EEA1: variants seen among roughly 807,000 people sequenced by gnomAD.
The protein encoded by EEA1 is early endosome antigen 1, 162kD.
In EEA1, 111 loss-of-function variants were observed where a neutral mutation model predicts 209.2. That is an observed-to-expected ratio of 0.53 (90% confidence interval 0.45 to 0.62). The LOEUF is 0.62. EEA1 is among the 20% of genes least tolerant of loss of function. The pLI, the probability that EEA1 is intolerant of heterozygous loss-of-function variation, is 0.00. For missense variants in EEA1, 1,343 were observed against 1,530.8 expected, an observed-to-expected ratio of 0.88 and a Z score of 2.05; for synonymous variants, 536 against 540.6, an observed-to-expected ratio of 0.99 and a Z score of 0.12.
At chr12:92,874,844 G>GC in intron 2 of EEA1, among the ~76,000 whole-genome samples, 1 of 152,170 alleles carries the variant, frequency 6.6e-6, no homozygotes. Flanking sequence ...CTAAAAGACA[G>GC]CCTTTTGAAT....
At chr12:92,915,373 CAGG>C in intron 1 of EEA1, among the ~76,000 whole-genome samples, 1 of 152,242 alleles carries the variant, frequency 6.6e-6, no homozygotes, top group African/African-American at 2.4e-5. Context: ...GAGGCTAAGC[CAGG>C]AGGACTGCTT....
At chr12:92,887,060 T>G (rs1009118187) in intron 2 of EEA1, among the ~76,000 whole-genome samples, 21 of 150,968 alleles carry the variant, frequency 1.4e-4, no homozygotes, top group African/African-American at 5.1e-4. Context: ...CTTCTAGGAA[T>G]GAAAAAAAGA....
At chr12:92,791,561 C>T (rs1405056811) in intron 21 of EEA1, among the ~76,000 whole-genome samples, 2 of 152,182 alleles carry the variant, frequency 1.3e-5, no homozygotes, top group African/African-American at 4.8e-5. Context: ...ATCAGTTCAA[C>T]AAGAAGAGCT....
intron 9 of EEA1, among the ~76,000 whole-genome samples, chr12:92,847,520 T>C (rs1221184097): frequency 1.3e-5 from 2 of 152,154 alleles, no homozygotes. Context: ...ATTTTTTTCA[T>C]ATGGAAATGG....
At chr12:92,789,144 G>A (rs1874271636) in intron 21 of EEA1, among the ~76,000 whole-genome samples, 1 of 151,882 alleles carries the variant, frequency 6.6e-6, no homozygotes, top group Non-Finnish European at 1.5e-5. Context: ...ACAAAAATTA[G>A]CTGGGCATGG....
In EEA1 at chr12:92,778,022, G is replaced by A. The variant is rs187203462; in HGVS notation, c.3812C>T (p.Thr1271Met). 1.3e-5 allele frequency: 21 copies of A among 1,613,324 alleles called. No individual in the cohort carries two copies. The highest frequency in any genetic ancestry group is 1.1e-4 in the East Asian group (5 of 44,850). ...QRRVSELEKQ[T>M]DDLRGEIAVL... The stretch of plus-strand genomic sequence containing the variant: ...TGCAATTTCACCCCGTAAGTCATCC[G>A]TTTGTTTCTCAAGCTCACTAACTCT... The change falls in exon 26 of 29, where the codon ACG (threonine) becomes ATG (methionine). Residue 1271 changes from threonine (T) to methionine (M), a missense_variant. Coordinates refer to ENST00000322349, the MANE Select transcript of EEA1 (RefSeq NM_003566.4).
intron 1 of EEA1, among the ~76,000 whole-genome samples, chr12:92,898,001 T>C (rs571540889): frequency 2.6e-5 from 4 of 152,350 alleles, no homozygotes; most frequent in African/African-American, 9.6e-5. Flanking sequence ...TGACTCGTTT[T>C]ATTGCGATAC....
At chr12:92,858,763 A>G (rs1199155182) in intron 3 of EEA1, 3 of 768,656 alleles carry the variant, frequency 3.9e-6, no homozygotes, top group Non-Finnish European at 7.1e-6. Flanking sequence ...GGAGAAAGTC[A>G]TCAAAGCCAT....
In EEA1 at chr12:92,776,124, G is replaced by A; in HGVS notation, c.4123C>T (p.Arg1375Ter). Residue 1375 changes from arginine (R) to a stop codon, truncating the protein, a stop_gained, in exon 29 of 29, where the codon CGA becomes TGA. Transcript: ENST00000322349. LOFTEE classifies it high-confidence loss of function. ...GCACAGAAGATATTTCCACACTGTC[G>A]GCAGTGATGCTGTAAATGACAAAAA... ...FSVTVRRHHCRQCGNIFCAEC... is the reference protein window; with the variant it reads ...FSVTVRRHHC The A allele has an allele frequency of 6.2e-7, 1 of 1,605,144 alleles. No individual in the cohort carries two copies. Among genetic ancestry groups the A allele is most frequent in the Non-Finnish European group, 8.5e-7 (1 of 1,175,496 alleles).
chr12:92,799,110 T>A, intron 20 of EEA1, 24 bp from the exon 21 acceptor site: 1 of 1,535,844 alleles, frequency 6.5e-7, no homozygotes, highest in Non-Finnish European at 8.7e-7. Context: ...AAAATCTATT[T>A]AGCCTTCATT....
At chr12:92,806,036 C>T (rs755676180) in intron 18 of EEA1, among the ~76,000 whole-genome samples, 1 of 151,950 alleles carries the variant, frequency 6.6e-6, no homozygotes, top group Non-Finnish European at 1.5e-5. Flanking sequence ...AGAAATCTTA[C>T]ATCTAGCATT....
chr12:92,812,964 G>A lies in EEA1; in HGVS notation c.2043+16C>T. On this transcript the variant is annotated intron_variant, in intron 16 of 28. Transcript: ENST00000322349. ...AAGCACTAGGTGATAGTATGAAATT[G>A]CATCTGTTTCCCTACCTGCTGTTTA... 6.6e-7 allele frequency: 1 copy of A among 1,522,408 alleles called. No homozygotes were observed. The highest frequency in any genetic ancestry group is 9.0e-7 in the Non-Finnish European group (1 of 1,113,408). 94.3% of individuals were successfully genotyped at this position (1,522,408 alleles called of 1,614,324 possible). A position where few individuals can be genotyped will look rare whatever the true frequency, so the allele number is the denominator to read the frequency against.
intron 9 of EEA1, among the ~76,000 whole-genome samples, chr12:92,848,608 T>C (rs1877477288): frequency 6.6e-6 from 1 of 152,006 alleles, no homozygotes. Context: ...TAAATAAGAA[T>C]TTATTAGAGT....
intron 1 of EEA1, among the ~76,000 whole-genome samples, chr12:92,907,758 C>G (rs7299296): frequency 1.3e-5 from 2 of 152,210 alleles, no homozygotes; most frequent in Non-Finnish European, 2.9e-5. Flanking sequence ...TCACTATGTT[C>G]TCCAGCTTAG....
chr12:92,822,287 A>C (rs981167390), intron 13 of EEA1, among the ~76,000 whole-genome samples: 1 of 152,030 alleles, frequency 6.6e-6, no homozygotes, highest in Non-Finnish European at 1.5e-5. Context: ...ATCCCTCTCC[A>C]GTTTCTGTCC....
chr12:92,925,213 T>G, intron 1 of EEA1, among the ~76,000 whole-genome samples: 1 of 151,946 alleles, frequency 6.6e-6, no homozygotes, highest in East Asian at 1.9e-4. Context: ...AATCACAGTT[T>G]TTTTGTTTTG....
intron 18 of EEA1, among the ~76,000 whole-genome samples, chr12:92,805,486 A>G (rs1361507305): frequency 2.0e-5 from 3 of 152,230 alleles, no homozygotes; most frequent in Non-Finnish European, 4.4e-5. Context: ...TGGAACAGTC[A>G]AGAGCCCTCA....
chr12:92,873,289 G>A (rs555046971), intron 2 of EEA1, among the ~76,000 whole-genome samples: 90 of 152,244 alleles, frequency 5.9e-4, no homozygotes, highest in African/African-American at 2.1e-3. Flanking sequence ...TACGCTTAAA[G>A]ATGAAAGGGA....
intron 11 of EEA1, among the ~76,000 whole-genome samples, chr12:92,829,262 T>G (rs1384495892): frequency 1.3e-5 from 2 of 151,496 alleles, no homozygotes; most frequent in Non-Finnish European, 2.9e-5. Context: ...AGCTGAAATC[T>G]CGCCACTGCA....
Sources: allele counts gnomAD v4.1 joint callset (sites outside exome capture counted in the v4.1 genomes callset), GRCh38; gene constraint gnomAD v4.1.1; transcripts MANE v1.5; gene names NCBI Gene and HGNC (gene_info 2026-07-23, HGNC 2026-07-21).